FZD6: variants seen among roughly 807,000 people sequenced by gnomAD.
The protein encoded by FZD6 is frizzled-6.
In FZD6, 49 loss-of-function variants were observed where a neutral mutation model predicts 61.4. That is an observed-to-expected ratio of 0.80 (90% CI 0.63 to 1.01). The LOEUF is 1.01. FZD6 is among the 50% of genes least tolerant of loss of function. The pLI is 0.00. For missense variants in FZD6, 724 were observed against 848.2 expected, an observed-to-expected ratio of 0.85 and a Z score of 1.82; for synonymous variants, 265 against 292.2, an observed-to-expected ratio of 0.91 and a Z score of 0.95.
chr8:103,331,501 G>C lies in FZD6; in HGVS notation c.2113G>C (p.Asp705His). The C allele has an allele frequency of 6.2e-7, 1 of 1,607,074 alleles. No homozygotes were observed. The highest frequency in any genetic ancestry group is 8.5e-7 in the Non-Finnish European group (1 of 1,173,576). The change falls in exon 7 of 7, where the codon GAT becomes CAT. Residue 705 changes from aspartate (D) to histidine (H), a missense_variant. Physicochemically the swap from Asp to His is moderately conservative, Grantham distance 81. Coordinates refer to ENST00000358755, the MANE Select transcript of FZD6 (RefSeq NM_003506.4). ...AGAGCAGGGAGGTGGTTGTCATTCAGATACTTGAAGAACATTTTCTCTCGT... is the reference window on the plus strand; with the variant it reads ...AGAGCAGGGAGGTGGTTGTCATTCACATACTTGAAGAACATTTTCTCTCGT... ...RKEQGGGCHS[D>H]T
chr8:103,320,616 G>T (rs982804399), intron 3 of FZD6, among the ~76,000 whole-genome samples: 1 of 151,924 alleles, frequency 6.6e-6, no homozygotes, highest in Non-Finnish European at 1.5e-5. Flanking sequence ...GCATAATGAG[G>T]ATTTTTTAAA....
At position 103,329,694 on chromosome 8, in the gene FZD6, T is replaced by G. The variant is rs1475451914; in HGVS notation, c.1581T>G (p.Cys527Trp). 2.5e-6 allele frequency: 4 copies of G among 1,611,964 alleles called. No individual in the cohort carries two copies. The East Asian group carries it at 8.9e-5, about 36-fold the overall frequency. The change falls in exon 6 of 7, where the codon TGT becomes TGG. Residue 527 changes from cysteine (C) to tryptophan (W), a missense_variant. By Grantham distance (215) the Cys-to-Trp change is radical. Transcript: ENST00000358755. ...GTCGAAGAGTACTACAGGAATCATGTGAGTTTTTCTTAAAGCACAATTCTA... is the reference window on the plus strand; with the variant it reads ...GTCGAAGAGTACTACAGGAATCATGGGAGTTTTTCTTAAAGCACAATTCTA... ...SESRRVLQESCEFFLKHNSKV... is the reference protein window; with the variant it reads ...SESRRVLQESWEFFLKHNSKV...
At chr8:103,322,816 G>C (rs934772370) in intron 3 of FZD6, among the ~76,000 whole-genome samples, 1 of 152,162 alleles carries the variant, frequency 6.6e-6, no homozygotes, top group Admixed American at 6.5e-5. Context: ...GCTTAACCCT[G>C]CATCCTAGGA....
At position 103,324,647 on chromosome 8, in the gene FZD6, T is replaced by A. The variant is rs757914216; in HGVS notation, c.541T>A (p.Cys181Ser). ...QGYKFLGIDQCAPPCPNMYFK... is the reference protein window; with the variant it reads ...QGYKFLGIDQSAPPCPNMYFK... ...ATATAAGTTTCTGGGAATTGACCAGTGTGCGCCTCCATGCCCCAACATGTA... is the reference window on the plus strand; with the variant it reads ...ATATAAGTTTCTGGGAATTGACCAGAGTGCGCCTCCATGCCCCAACATGTA... Residue 181 changes from cysteine (C) to serine (S), a missense_variant, in exon 4 of 7, where the codon TGT (cysteine) becomes AGT (serine). Physicochemically the swap from Cys to Ser is moderately radical, Grantham distance 112. Coordinates refer to ENST00000358755, the MANE Select transcript of FZD6 (RefSeq NM_003506.4). 6.2e-7 allele frequency: 1 copy of A among 1,614,172 alleles called. No homozygotes were observed.
At position 103,324,816 on chromosome 8, in the gene FZD6, A is replaced by G. The variant is rs754477513; in HGVS notation, c.710A>G (p.Tyr237Cys). The G allele has an allele frequency of 1.9e-6, 3 of 1,612,030 alleles. No individual in the cohort carries two copies. Among genetic ancestry groups the G allele is most frequent in the East Asian group, 4.5e-5 (2 of 44,868 alleles). ...FRYPERPIIY[Y>C]SVCYSIVSLM... ...TACCCAGAGAGACCAATTATATATT[A>G]CTCTGTCTGTTACAGCATTGTATCT... is the stretch of plus-strand genomic sequence containing the variant. Residue 237 changes from tyrosine to cysteine, a missense_variant, in exon 4 of 7, where the codon TAC becomes TGC. Transcript: ENST00000358755.
chr8:103,321,545 C>G (rs1398554392), intron 3 of FZD6, among the ~76,000 whole-genome samples: 1 of 152,134 alleles, frequency 6.6e-6, no homozygotes, highest in African/African-American at 2.4e-5. Context: ...AAAGATTTAA[C>G]ATAACTGTGG....
intron 2 of FZD6, among the ~76,000 whole-genome samples, chr8:103,302,034 G>A (rs565386919): frequency 7.5e-6 from 1 of 132,662 alleles, no homozygotes; most frequent in African/African-American, 2.6e-5. Flanking sequence ...CTTTACTAAT[G>A]AAGTTTTTTT....
At chr8:103,313,140 C>T (rs1399676165) in intron 2 of FZD6, among the ~76,000 whole-genome samples, 1 of 152,160 alleles carries the variant, frequency 6.6e-6, no homozygotes, top group African/African-American at 2.4e-5. Flanking sequence ...CTTAACCTCT[C>T]AGAGCCTCAG....
chr8:103,317,833 A>G (rs2130308521), intron 2 of FZD6, among the ~76,000 whole-genome samples: 1 of 139,130 alleles, frequency 7.2e-6, no homozygotes, highest in East Asian at 2.1e-4. Context: ...CTCAAAAAAA[A>G]AAAAAAAAGA....
intron 2 of FZD6, 130 bp from the exon 3 acceptor site, chr8:103,318,460 C>A (rs1229413266): frequency 8.8e-6 from 6 of 678,674 alleles, no homozygotes; most frequent in Middle Eastern, 3.9e-4. Context: ...GTTCATAAGT[C>A]TGATAGAGGG....
rs1346276667 is a variant in FZD6, at chr8:103,332,598, C to T, written c.*1089C>T. 10 of 152,500 alleles carry T rather than the reference C, an allele frequency of 6.6e-5. No homozygotes were observed. The allele number at this position is 152,500 out of a possible 1,614,324, so 9.4% of individuals were successfully genotyped here. On this transcript the variant is annotated 3_prime_UTR_variant, in exon 7 of 7. Coordinates refer to ENST00000358755, the MANE Select transcript of FZD6 (RefSeq NM_003506.4). ...AGACACAACGTTTTTATACAACATA[C>T]TTTAAAATATTAAGGAGTTTTCTTA...
chr8:103,327,419 AC>A (rs1364919520), intron 4 of FZD6, among the ~76,000 whole-genome samples: 2 of 152,118 alleles, frequency 1.3e-5, no homozygotes, highest in African/African-American at 4.8e-5. Context: ...ACATGGTAAA[AC>A]CCTGTCTCTA....
intron 2 of FZD6, among the ~76,000 whole-genome samples, chr8:103,318,372 G>C (rs1418328453): frequency 1.3e-5 from 2 of 152,112 alleles, no homozygotes; most frequent in East Asian, 1.9e-4. Flanking sequence ...TCTGGCAAGT[G>C]ATTTCACTGG....
intron 2 of FZD6, among the ~76,000 whole-genome samples, chr8:103,306,494 C>CTTT (rs71292793): frequency 7.7e-5 from 5 of 65,198 alleles, no homozygotes; most frequent in Non-Finnish European, 1.1e-4. Context: ...AGGTTCATCA[C>CTTT]TTTTTTTTTT....
At chr8:103,316,209 T>C (rs1181112645) in intron 2 of FZD6, among the ~76,000 whole-genome samples, 1 of 152,210 alleles carries the variant, frequency 6.6e-6, no homozygotes, top group East Asian at 1.9e-4. Flanking sequence ...TTTCATTTGT[T>C]TTTTATGTAA....
chr8:103,317,659 C>G (rs368838374), intron 2 of FZD6, among the ~76,000 whole-genome samples: 11 of 152,026 alleles, frequency 7.2e-5, no homozygotes, highest in African/African-American at 2.7e-4. Context: ...AACTTCGTCT[C>G]TACTAAAAAT....
At chr8:103,321,136 A>G (rs941913481) in intron 3 of FZD6, among the ~76,000 whole-genome samples, 1 of 152,218 alleles carries the variant, frequency 6.6e-6, no homozygotes, top group Non-Finnish European at 1.5e-5. Context: ...ACTGGCACCT[A>G]TGCTTAATTT....
chr8:103,321,448 A>G (rs1051530215), intron 3 of FZD6, among the ~76,000 whole-genome samples: 5 of 152,120 alleles, frequency 3.3e-5, no homozygotes, highest in Non-Finnish European at 7.4e-5. Flanking sequence ...GTGGCATCTT[A>G]TTTACTTTGA....
At chr8:103,307,049 G>A (rs1007198284) in intron 2 of FZD6, among the ~76,000 whole-genome samples, 1 of 152,042 alleles carries the variant, frequency 6.6e-6, no homozygotes, top group African/African-American at 2.4e-5. Flanking sequence ...TGTACCAGTG[G>A]GATTCTGATT....
Sources: allele counts gnomAD v4.1 joint callset (sites outside exome capture counted in the v4.1 genomes callset), GRCh38; gene constraint gnomAD v4.1.1; transcripts MANE v1.5; gene names NCBI Gene and HGNC (gene_info 2026-07-23, HGNC 2026-07-21).